The following CHODL variants were observed in gnomAD, a reference collection of about 807,000 sequenced individuals.
The protein encoded by CHODL is chondrolectin.
In CHODL, 29 loss-of-function variants were observed where a neutral mutation model predicts 34.5. That is an observed-to-expected ratio of 0.84 (90% CI 0.63 to 1.15). The LOEUF is 1.15. CHODL is among the 50% of genes most tolerant of loss of function. The pLI is 0.00. For synonymous variants in CHODL, 125 were observed against 116.1 expected (o/e 1.08, Z -0.49); for missense variants, 332 against 332.5 (o/e 1.00, Z 0.01).
intron 1 of CHODL, chr21:18,022,580 G>A (rs1489723712): frequency 6.6e-6 from 1 of 152,078 alleles, no homozygotes; most frequent in Non-Finnish European, 1.5e-5. Context: ...TAATCAATAG[G>A]AAGGTTTTAA....
chr21:18,249,303 A>C (rs2074206992), intron 1 of CHODL, among the ~76,000 whole-genome samples: 2 of 150,950 alleles, frequency 1.3e-5, no homozygotes, highest in Non-Finnish European at 1.5e-5. Context: ...CATATTCCTC[A>C]TGATATAACA....
intron 1 of CHODL, among the ~76,000 whole-genome samples, chr21:17,929,920 C>T (rs2088949841): frequency 6.6e-6 from 1 of 152,142 alleles, no homozygotes; most frequent in Non-Finnish European, 1.5e-5. Context: ...GCACATTGAG[C>T]ACCCTTGCTT....
At chr21:18,181,561 C>T (rs952351729) in intron 2 of CHODL, among the ~76,000 whole-genome samples, 3 of 152,166 alleles carry the variant, frequency 2.0e-5, no homozygotes, top group Non-Finnish European at 4.4e-5. Flanking sequence ...CGCCACCACG[C>T]CCGGCTAATT....
intron 1 of CHODL, among the ~76,000 whole-genome samples, chr21:17,993,468 T>G (rs930496751): frequency 3.3e-5 from 5 of 152,198 alleles, no homozygotes; most frequent in Non-Finnish European, 7.3e-5. Context: ...GGACATGTAA[T>G]ATTTGTTTTC....
At chr21:18,056,702 T>TTCAACTTTTATCTCACATATCTC (rs1226270609) in intron 2 of CHODL, among the ~76,000 whole-genome samples, 3 of 152,060 alleles carry the variant, frequency 2.0e-5, no homozygotes, top group Non-Finnish European at 2.9e-5. Flanking sequence ...GAGAGATTTC[T>TTCAACTTTTATCTCACATATCTC]TCAACTTTTA....
chr21:18,245,203 T>C lies in CHODL; in HGVS notation c.-21T>C. 8.1e-7 allele frequency: 1 copy of C among 1,238,220 alleles called. No individual in the cohort carries two copies. Among genetic ancestry groups the C allele is most frequent in the Non-Finnish European group, 1.1e-6 (1 of 949,376 alleles). 76.7% of individuals were successfully genotyped at this position (1,238,220 alleles called of 1,614,324 possible). On this transcript the variant is annotated 5_prime_UTR_variant, in exon 1 of 6. Coordinates refer to ENST00000299295, the MANE Select transcript of CHODL (RefSeq NM_024944.3). ...GGCCGCCCTCGCTCCACGCAACACC[T>C]GCTGCTGCCACCGCGCCGCGATGAG...
At chr21:18,003,326 A>AT (rs2063928881) in intron 1 of CHODL, among the ~76,000 whole-genome samples, 1 of 151,126 alleles carries the variant, frequency 6.6e-6, no homozygotes, top group Non-Finnish European at 1.5e-5. Flanking sequence ...TAAATTAAGC[A>AT]TTTTTGATAT....
chr21:18,174,655 A>T (rs1319914897), intron 2 of CHODL, among the ~76,000 whole-genome samples: 1 of 152,220 alleles, frequency 6.6e-6, no homozygotes, highest in Non-Finnish European at 1.5e-5. Flanking sequence ...TTAATCAGAA[A>T]GAACTGGACC....
intron 1 of CHODL, among the ~76,000 whole-genome samples, chr21:17,993,581 C>T (rs146828856): frequency 1.1e-3 from 175 of 152,232 alleles, no homozygotes; most frequent in Admixed American, 2.8e-3. Context: ...TATTCCATGG[C>T]AAATATGTAC....
chr21:17,978,560 T>C (rs1487253485), intron 1 of CHODL, among the ~76,000 whole-genome samples: 4 of 145,512 alleles, frequency 2.7e-5, no homozygotes, highest in Admixed American at 1.4e-4. Flanking sequence ...CTACTAAAAA[T>C]ACAAAAAATT....
chr21:18,244,147 C>A (rs764446919), upstream of CHODL, among the ~76,000 whole-genome samples: 40 of 152,192 alleles, frequency 2.6e-4, no homozygotes, highest in Non-Finnish European at 5.3e-4. Flanking sequence ...TATCGTAGAT[C>A]ACTGATAGAT....
chr21:17,961,239 T>C (rs1012559109), intron 1 of CHODL, among the ~76,000 whole-genome samples: 3 of 152,230 alleles, frequency 2.0e-5, no homozygotes, highest in African/African-American at 7.2e-5. Context: ...CTCTTCTTTA[T>C]GCCTGAGAAT....
At chr21:18,186,423 T>G (rs2073442634) in intron 2 of CHODL, among the ~76,000 whole-genome samples, 1 of 150,814 alleles carries the variant, frequency 6.6e-6, no homozygotes, top group South Asian at 2.1e-4. Context: ...AAAAAAAAAG[T>G]CATGTTCACT....
intron 2 of CHODL, among the ~76,000 whole-genome samples, chr21:18,222,490 T>A (rs1191676854): frequency 6.6e-6 from 1 of 152,216 alleles, no homozygotes; most frequent in African/African-American, 2.4e-5. Flanking sequence ...TGTGATGTCC[T>A]GGCAGCTCCT....
At chr21:18,181,530 G>C (rs1389026603) in intron 2 of CHODL, among the ~76,000 whole-genome samples, 1 of 152,190 alleles carries the variant, frequency 6.6e-6, no homozygotes, top group African/African-American at 2.4e-5. Flanking sequence ...AGCCTCCCGA[G>C]TAGCTGGAAC....
chr21:18,139,691 A>G (rs1388402378), intron 2 of CHODL, among the ~76,000 whole-genome samples: 2 of 152,202 alleles, frequency 1.3e-5, no homozygotes, highest in African/African-American at 2.4e-5. Flanking sequence ...ACATGGTTGC[A>G]GGTAATGGCA....
intron 1 of CHODL, among the ~76,000 whole-genome samples, chr21:17,930,196 C>A (rs1419378985): frequency 6.6e-6 from 1 of 152,158 alleles, no homozygotes; most frequent in Non-Finnish European, 1.5e-5. Flanking sequence ...TGTGAGTGGG[C>A]CAAAGGCCCC....
rs754627805 is a variant in CHODL, at chr21:18,129,890, CTCTGTGTG to C, written c.-45+101921_-45+101928del. ...TTTAGTATTCTCTCTCTCTGTCTTT[CTCTGTGTG>C]TGTGTGTGTGTGTGTGTGTGTGTGT... On this transcript the variant is annotated intron_variant, in intron 2 of 6. Coordinates refer to the CHODL transcript ENST00000400127. Among the ~76,000 whole-genome samples, 501 of 113,464 alleles carry C rather than the reference CTCTGTGTG, an allele frequency of 4.4e-3. 4 individuals are homozygous for C. The highest frequency in any genetic ancestry group is 0.017 in the African/African-American group (410 of 24,570). The allele number at this position is 113,464 out of a possible 152,430, so 74.4% of individuals were successfully genotyped here. A position where few individuals can be genotyped will look rare whatever the true frequency, so the allele number is the denominator to read the frequency against.
intron 2 of CHODL, among the ~76,000 whole-genome samples, chr21:18,137,773 C>A (rs1214129401): frequency 6.6e-6 from 1 of 152,090 alleles, no homozygotes; most frequent in Non-Finnish European, 1.5e-5. Flanking sequence ...TTCTTTTATA[C>A]CTAGAGGTGC....
Sources: gnomAD v4.1 joint callset for allele counts (sites outside exome capture counted in the v4.1 genomes callset) on GRCh38, gnomAD v4.1.1 for gene constraint, MANE v1.5 for transcripts, NCBI Gene and HGNC (gene_info 2026-07-23, HGNC 2026-07-21) for gene names.